CELSR1: variants seen among roughly 807,000 people sequenced by gnomAD.
CELSR1 encodes the protein cadherin EGF LAG seven-pass G-type receptor 1.
CELSR1 carries 110 observed loss-of-function variants against 249.1 expected under a neutral mutation model. The observed-to-expected ratio is 0.44, with a 90% confidence interval of 0.38 to 0.52. CELSR1 has a LOEUF of 0.52. CELSR1 is among the 20% of genes least tolerant of loss of function. The pLI is 0.00. For synonymous variants in CELSR1, 2,113 were observed against 1,900.0 expected, an observed-to-expected ratio of 1.11 and a Z score of -2.92; for missense variants, 4,109 against 4,296.4, an observed-to-expected ratio of 0.96 and a Z score of 1.22.
Position 46,512,665 on chromosome 22 carries a change from C to G in CELSR1, c.3544+20962G>C, listed in dbSNP as rs1405249929. Among the ~76,000 whole-genome samples, 1 of 152,194 alleles carries G rather than the reference C, an allele frequency of 6.6e-6. No homozygotes were observed. Among genetic ancestry groups the G allele is most frequent in the Non-Finnish European group, 1.5e-5 (1 of 68,026 alleles). ...AAATGGCCTCACCACAGGTCCCCCG[C>G]CCCACTCTGCTCCTTCGGATAAGAT... is the stretch of plus-strand genomic sequence containing the variant. On this transcript the variant is annotated intron_variant, in intron 1 of 34. Transcript: ENST00000674500. The surrounding 1 kb of genome is among the most constrained non-coding windows in gnomAD (Gnocchi z 5.2).
chr22:46,398,501 C>A lies in CELSR1; in HGVS notation c.5526+23G>T, dbSNP rs370441132. ...TGCCTGTGAGGGGCAGGCCTCCCCCCGCCCCCCACAACCCCCACGCACCTG... is the reference window on the plus strand; with the variant it reads ...TGCCTGTGAGGGGCAGGCCTCCCCCAGCCCCCCACAACCCCCACGCACCTG... On this transcript the variant is annotated intron_variant, in intron 11 of 34. Coordinates refer to ENST00000674500, the MANE Select transcript of CELSR1 (RefSeq NM_001378328.1). This position sits in a 1 kb window ranked among gnomAD's most constrained non-coding sequence, Gnocchi z 7.2. The A allele has an allele frequency of 1.9e-6, 3 of 1,540,158 alleles. No homozygotes were observed. The African/African-American group carries it at 4.1e-5, about 21-fold the overall frequency.
intron 5 of CELSR1, among the ~76,000 whole-genome samples, chr22:46,424,491 A>C (rs993417330): frequency 1.3e-5 from 2 of 152,156 alleles, no homozygotes; most frequent in Non-Finnish European, 2.9e-5. Context: ...CCATCCATGG[A>C]AACACCCTGC....
chr22:46,502,762 T>A (rs533053933), intron 1 of CELSR1, among the ~76,000 whole-genome samples: 1 of 152,280 alleles, frequency 6.6e-6, no homozygotes, highest in East Asian at 1.9e-4. Context: ...CCCATGATCA[T>A]AGCCCCACAC....
intron 1 of CELSR1, among the ~76,000 whole-genome samples, chr22:46,486,712 G>A (rs867826710): frequency 3.9e-5 from 6 of 151,964 alleles, no homozygotes; most frequent in African/African-American, 1.2e-4. Context: ...GCGTAGTGGC[G>A]CACACCTGCA....
Position 46,440,840 on chromosome 22 carries a change from G to A in CELSR1, c.4184-1429C>T, listed in dbSNP as rs1057024618. On this transcript the variant is annotated intron_variant, in intron 2 of 34. Transcript: ENST00000674500. The surrounding 1 kb of genome is among the most constrained non-coding windows in gnomAD (Gnocchi z 4.7). ...TATCCATTTTTTTCTTCATGGCTCT[G>A]GTCATCTTGGGTTGTTAAAAGACTG... Among the ~76,000 whole-genome samples, 1 of 152,038 alleles carries A rather than the reference G, an allele frequency of 6.6e-6. No individual in the cohort carries two copies. Among genetic ancestry groups the A allele is most frequent in the Non-Finnish European group, 1.5e-5 (1 of 68,012 alleles).
chr22:46,373,452 G>T (rs1398364990), intron 24 of CELSR1, among the ~76,000 whole-genome samples: 1 of 142,108 alleles, frequency 7.0e-6, no homozygotes, highest in Admixed American at 6.9e-5. Flanking sequence ...AGTGCTCGGG[G>T]TTGGGGGGGC....
intron 5 of CELSR1, among the ~76,000 whole-genome samples, chr22:46,432,522 C>A (rs1029832060): frequency 6.6e-6 from 1 of 152,254 alleles, no homozygotes; most frequent in Non-Finnish European, 1.5e-5. Context: ...AGCGGGGGCA[C>A]ACCCTGGAGC....
chr22:46,391,045 A>G lies in CELSR1; in HGVS notation c.6250+141T>C. The G allele has an allele frequency of 1.5e-6, 1 of 679,366 alleles. No individual in the cohort carries two copies. The highest frequency in any genetic ancestry group is 2.5e-6 in the Non-Finnish European group (1 of 401,696). 42.1% of individuals were successfully genotyped at this position (679,366 alleles called of 1,614,324 possible). A position where few individuals can be genotyped will look rare whatever the true frequency, so the allele number is the denominator to read the frequency against. ...GCTTTGTGTATTTCCTGGTAGGGAA[A>G]AGGCGATCGGATTTCTCCCCAGCAC... On this transcript the variant is annotated intron_variant, in intron 16 of 34. Coordinates refer to ENST00000674500, the MANE Select transcript of CELSR1 (RefSeq NM_001378328.1). This position sits in a 1 kb window ranked among gnomAD's most constrained non-coding sequence, Gnocchi z 4.3.
chr22:46,494,054 C>T (rs73888526), intron 1 of CELSR1, among the ~76,000 whole-genome samples: 80 of 152,312 alleles, frequency 5.3e-4, no homozygotes, highest in African/African-American at 1.9e-3. Flanking sequence ...AAAAGGCAGA[C>T]ACACAATCTA....
In CELSR1 at chr22:46,427,106, T is replaced by A. The variant is rs932695636; in HGVS notation, c.4611+6287A>T. ...TATGAAGTGTGTGTGCATGTATATA[T>A]GTACACACACACACACCTACACAGA... On this transcript the variant is annotated intron_variant, in intron 5 of 34. Coordinates refer to ENST00000674500, the MANE Select transcript of CELSR1 (RefSeq NM_001378328.1). This position sits in a 1 kb window ranked among gnomAD's most constrained non-coding sequence, Gnocchi z 4.2. 6.6e-6 allele frequency among the ~76,000 whole-genome samples: 1 copy of A among 152,150 alleles called. No homozygotes were observed. Among genetic ancestry groups the A allele is most frequent in the African/African-American group, 2.4e-5 (1 of 41,438 alleles).
At chr22:46,521,030 C>T (rs2080679742) in intron 1 of CELSR1, among the ~76,000 whole-genome samples, 1 of 152,194 alleles carries the variant, frequency 6.6e-6, no homozygotes, top group South Asian at 2.1e-4. Context: ...TCAAGGTTCA[C>T]CCACGTTGTA....
At chr22:46,451,998 C>T (rs1367056023) in intron 2 of CELSR1, among the ~76,000 whole-genome samples, 4 of 152,164 alleles carry the variant, frequency 2.6e-5, no homozygotes, top group Admixed American at 2.0e-4. Context: ...GGCCTGCAGC[C>T]ACCAGGCGCC....
chr22:46,493,710 C>T lies in CELSR1; in HGVS notation c.3545-29365G>A, dbSNP rs1159512455. 3.3e-5 allele frequency among the ~76,000 whole-genome samples: 5 copies of T among 152,080 alleles called. No homozygotes were observed. The East Asian group carries it at 7.7e-4, about 23-fold the overall frequency. On this transcript the variant is annotated intron_variant, in intron 1 of 34. Transcript: ENST00000674500. ...GGGCAGGTCTTTTCTGTGCTGTTCT[C>T]GTCATAGTGAACAAGGTCTCATGAG...
intron 5 of CELSR1, among the ~76,000 whole-genome samples, chr22:46,415,054 A>G (rs1210076429): frequency 6.6e-6 from 1 of 152,168 alleles, no homozygotes; most frequent in Non-Finnish European, 1.5e-5. Context: ...ATTCCTACAC[A>G]ATGTCCAGGA....
intron 30 of CELSR1, 73 bp downstream of exon 30, chr22:46,366,313 A>T (rs2078780325): frequency 8.5e-7 from 1 of 1,180,044 alleles, no homozygotes; most frequent in Non-Finnish European, 1.2e-6. Flanking sequence ...GGCAGGACAC[A>T]GGTTGGGGTG....
At position 46,447,454 on chromosome 22, in the gene CELSR1, G is replaced by A. The variant is rs1283263987; in HGVS notation, c.4184-8043C>T. Among the ~76,000 whole-genome samples the A allele has an allele frequency of 6.6e-6, 1 of 151,998 alleles. No homozygotes were observed. The highest frequency in any genetic ancestry group is 1.5e-5 in the Non-Finnish European group (1 of 68,006). On this transcript the variant is annotated intron_variant, in intron 2 of 34. Transcript: ENST00000674500. The surrounding 1 kb of genome is among the most constrained non-coding windows in gnomAD (Gnocchi z 4.7). Reference sequence around the variant, plus strand: ...GGCTTGCTGAGTCATTCAAACCTGGGGGAAATTCACCCATACTCTGCACAC... The same window carrying A: ...GGCTTGCTGAGTCATTCAAACCTGGAGGAAATTCACCCATACTCTGCACAC...
At chr22:46,482,115 ATAATGTCTCACCCTCACTT>A (rs1294719516) in intron 1 of CELSR1, among the ~76,000 whole-genome samples, 2 of 152,320 alleles carry the variant, frequency 1.3e-5, no homozygotes, top group Admixed American at 1.3e-4. Context: ...GGTAGACAAA[ATAATGTCTCACCCTCACTT>A]CCCAAGAAGA....
At position 46,535,487 on chromosome 22, in the gene CELSR1, C is replaced by T; in HGVS notation, c.1684G>A (p.Glu562Lys). 1.9e-6 allele frequency: 3 copies of T among 1,612,196 alleles called. No homozygotes were observed. Among genetic ancestry groups the T allele is most frequent in the Non-Finnish European group, 2.5e-6 (3 of 1,179,502 alleles). ...SVQVLDVNDN[E>K]PIFVSSPFQA... ...AAGGGGCTGCTCACAAAGATAGGCT[C>T]GTTGTCGTTGACATCCAGCACCTGC... Residue 562 changes from glutamate to lysine, a missense_variant, in exon 1 of 35, where the codon GAG becomes AAG. This residue lies in a region of CELSR1 where 135 missense variants were observed against 190.0 expected (regional missense o/e 0.71). Transcript: ENST00000674500.
chr22:46,456,325 G>A (rs1428510500), intron 2 of CELSR1, among the ~76,000 whole-genome samples: 1 of 152,214 alleles, frequency 6.6e-6, no homozygotes, highest in East Asian at 1.9e-4. Flanking sequence ...GAGTGCGTCA[G>A]CAGATCACAT....
Sources: gnomAD v4.1 joint callset for allele counts (sites outside exome capture counted in the v4.1 genomes callset) on GRCh38, gnomAD v4.1.1 for gene constraint, gnomAD v4.1.1 regional missense constraint, Gnocchi (gnomAD v3.1) non-coding constraint, MANE v1.5 for transcripts, NCBI Gene and HGNC (gene_info 2026-07-23, HGNC 2026-07-21) for gene names.